Variants in RETREG3 observed in about 807,000 individuals in gnomAD.
RETREG3 encodes reticulophagy regulator family member 3.
A neutral mutation model predicts 50.2 loss-of-function variants in RETREG3; 23 were observed. The observed-to-expected ratio is 0.46, with a 90% CI of 0.33 to 0.65. The LOEUF (loss-of-function observed/expected upper bound fraction) is 0.65. Ranked by LOEUF, RETREG3 falls within the 30% of genes least tolerant of loss-of-function variation. RETREG3 has a pLI of 0.02. For missense variants in RETREG3, 546 were observed against 598.0 expected, an observed-to-expected ratio of 0.91 and a Z score of 0.91; for synonymous variants, 240 against 234.4, an observed-to-expected ratio of 1.02 and a Z score of -0.22.
intron 4 of RETREG3, 82 bp from the exon 5 acceptor site, chr17:42,586,219 G>T: frequency 7.9e-7 from 1 of 1,269,068 alleles, no homozygotes; most frequent in Non-Finnish European, 1.1e-6. Flanking sequence ...GTAGAGATAT[G>T]ACAGAAAGAC....
At chr17:42,599,339 G>A (rs35331701) in intron 1 of RETREG3, among the ~76,000 whole-genome samples, 1 of 152,066 alleles carries the variant, frequency 6.6e-6, no homozygotes, top group Non-Finnish European at 1.5e-5. Flanking sequence ...GTATCCTTTA[G>A]GTGGTAGGCT....
At chr17:42,593,082 T>A (rs917344655) in intron 1 of RETREG3, among the ~76,000 whole-genome samples, 7 of 152,196 alleles carry the variant, frequency 4.6e-5, no homozygotes, top group Admixed American at 1.3e-4. Context: ...ACTTCTTGAT[T>A]TATTTTGTGA....
At chr17:42,582,637 A>G (rs781475982) in intron 8 of RETREG3, 37 bp downstream of exon 8, 36 of 1,612,740 alleles carry the variant, frequency 2.2e-5, no homozygotes, top group Non-Finnish European at 2.8e-5. Flanking sequence ...GGCAACAGTC[A>G]GAGCCATTAT....
chr17:42,583,677 C>A, intron 6 of RETREG3, 97 bp from the exon 7 acceptor site: 1 of 1,160,666 alleles, frequency 8.6e-7, no homozygotes. Context: ...AAACAAAGAG[C>A]CTCTCTGAAT....
At chr17:42,604,013 T>G (rs979503923) in intron 1 of RETREG3, among the ~76,000 whole-genome samples, 2 of 27,974 alleles carry the variant, frequency 7.1e-5, no homozygotes, top group Non-Finnish European at 1.4e-4. Flanking sequence ...GATGTGTAGA[T>G]TTTTTTTAAC....
intron 1 of RETREG3, among the ~76,000 whole-genome samples, chr17:42,606,867 C>T (rs569580179): frequency 6.6e-6 from 1 of 152,112 alleles, no homozygotes; most frequent in Admixed American, 6.5e-5. Flanking sequence ...ATTGGTGGCG[C>T]ATGCCTGTAA....
At chr17:42,608,836 G>A in intron 1 of RETREG3, 1 of 524,592 alleles carries the variant, frequency 1.9e-6, no homozygotes, top group Non-Finnish European at 3.4e-6. Flanking sequence ...GATGTTACCA[G>A]AAGCTCCCGC....
intron 7 of RETREG3, 83 bp from the exon 8 acceptor site, chr17:42,582,889 CATT>C: frequency 6.5e-7 from 1 of 1,537,032 alleles, no homozygotes; most frequent in Middle Eastern, 1.7e-4. Context: ...AATCAGCTAG[CATT>C]AGTTATCCGA....
chr17:42,600,478 G>A (rs563029105), intron 1 of RETREG3, among the ~76,000 whole-genome samples: 1 of 152,234 alleles, frequency 6.6e-6, no homozygotes, highest in African/African-American at 2.4e-5. Context: ...TGATAATGAT[G>A]GCAGATGTTT....
intron 4 of RETREG3, chr17:42,586,389 G>T: frequency 4.3e-6 from 2 of 461,270 alleles, no homozygotes; most frequent in Non-Finnish European, 3.9e-6. Context: ...ATAGGACTTA[G>T]CCAAAAATTC....
chr17:42,606,541 C>A (rs2093168186), intron 1 of RETREG3, among the ~76,000 whole-genome samples: 4 of 151,066 alleles, frequency 2.6e-5, no homozygotes, highest in Admixed American at 2.0e-4. Flanking sequence ...GCAGAGCTTG[C>A]AGTGGGCCGA....
chr17:42,597,696 TCTC>T (rs1000691492), intron 1 of RETREG3, among the ~76,000 whole-genome samples: 2 of 132,026 alleles, frequency 1.5e-5, no homozygotes, highest in Admixed American at 8.6e-5. Context: ...GTGGCACAGA[TCTC>T]CACTCACTTC....
chr17:42,592,228 G>A (rs1013242186), intron 1 of RETREG3, 66 bp from the exon 2 acceptor site: 10 of 1,346,684 alleles, frequency 7.4e-6, no homozygotes, highest in South Asian at 4.9e-5. Flanking sequence ...AAAAGGCCAC[G>A]TGTGTACGAT....
At chr17:42,602,039 G>A (rs190387019) in intron 1 of RETREG3, among the ~76,000 whole-genome samples, 11 of 152,152 alleles carry the variant, frequency 7.2e-5, no homozygotes, top group Admixed American at 2.6e-4. Flanking sequence ...TTTATTGGTC[G>A]GGCACCGTAG....
chr17:42,607,317 A>G (rs1242399705), intron 1 of RETREG3, among the ~76,000 whole-genome samples: 1 of 150,216 alleles, frequency 6.7e-6, no homozygotes, highest in African/African-American at 2.4e-5. Flanking sequence ...TGGGCAATAT[A>G]GTGAGACCCT....
intron 1 of RETREG3, among the ~76,000 whole-genome samples, chr17:42,603,940 G>A (rs992452470): frequency 1.3e-5 from 2 of 151,238 alleles, no homozygotes; most frequent in African/African-American, 4.9e-5. Context: ...TCGCGCCACT[G>A]TACTCCAGCC....
chr17:42,587,038 C>T, intron 3 of RETREG3, 147 bp from the exon 4 acceptor site: 1 of 1,074,512 alleles, frequency 9.3e-7, no homozygotes, highest in Non-Finnish European at 1.3e-6. Context: ...TGACTTTCTT[C>T]TTGGCTCACC....
rs1279575957 is a variant in RETREG3, at chr17:42,592,181, A to G, written c.240-19T>C. On this transcript the variant is annotated intron_variant, in intron 1 of 8. Coordinates refer to ENST00000309428, the MANE Select transcript of RETREG3 (RefSeq NM_178126.4). Reference sequence around the variant, plus strand: ...AAAAAACCTACAGAGGAAGAAAAACAGAAGAAAGATCATTTACCTAGTTAT... The same window carrying G: ...AAAAAACCTACAGAGGAAGAAAAACGGAAGAAAGATCATTTACCTAGTTAT... 3 of 1,600,944 alleles carry G rather than the reference A, an allele frequency of 1.9e-6. No individual in the cohort carries two copies.
chr17:42,598,469 G>A (rs756671482), intron 1 of RETREG3, among the ~76,000 whole-genome samples: 10 of 151,910 alleles, frequency 6.6e-5, no homozygotes, highest in East Asian at 1.9e-4. Flanking sequence ...CCATTACCCC[G>A]TCATAAAAGG....
Sources: gnomAD v4.1 joint callset for allele counts (sites outside exome capture counted in the v4.1 genomes callset) on GRCh38, gnomAD v4.1.1 for gene constraint, MANE v1.5 for transcripts, NCBI Gene and HGNC (gene_info 2026-07-23, HGNC 2026-07-21) for gene names.